The following NKAIN3 variants were observed in gnomAD, a reference collection of about 807,000 sequenced individuals.
NKAIN3 encodes the protein sodium/potassium-transporting ATPase subunit beta-1-interacting protein 3.
Under a neutral mutation model 30.2 loss-of-function variants are expected in NKAIN3, and 25 were observed. The observed-to-expected ratio is 0.83, with a 90% CI of 0.60 to 1.16. NKAIN3 has a LOEUF of 1.16. Ranked by LOEUF, NKAIN3 falls within the 50% of genes most tolerant of loss-of-function variation. The pLI is 0.00. For missense variants in NKAIN3, 225 were observed against 254.1 expected (o/e 0.89, Z 0.78); for synonymous variants, 91 against 89.6 (o/e 1.02, Z -0.09).
At position 62,695,454 on chromosome 8, in the gene NKAIN3, T is replaced by TAAAAATAATAATGAGGC. The variant is rs549477641; in HGVS notation, c.274-51476_274-51460dup. Among the ~76,000 whole-genome samples the TAAAAATAATAATGAGGC allele has an allele frequency of 6.2e-4, 94 of 152,048 alleles. 2 individuals carry two copies. The South Asian group carries it at 0.017, about 27-fold the overall frequency. On this transcript the variant is annotated intron_variant, in intron 3 of 6. Coordinates refer to ENST00000623646, the MANE Select transcript of NKAIN3 (RefSeq NM_001304533.3). ...CTGGCTGGTGATAATAATAATGAGG[T>TAAAAATAATAATGAGGC]AAAAATAATAATGAGGCAGAAAATT...
intron 1 of NKAIN3, among the ~76,000 whole-genome samples, chr8:62,441,908 G>A (rs980085957): frequency 2.6e-5 from 4 of 151,870 alleles, no homozygotes; most frequent in African/African-American, 7.2e-5. Flanking sequence ...GGATTTCTCT[G>A]TACTTTTAAG....
rs899246491 is a variant in NKAIN3 at position 62,979,726 on chromosome 8, C to T, written c.*14319C>T. The T allele has an allele frequency of 6.6e-6, 1 of 152,262 alleles. No homozygotes were observed. Among genetic ancestry groups the T allele is most frequent in the African/African-American group, 2.4e-5 (1 of 41,464 alleles). 9.4% of individuals were successfully genotyped at this position (152,262 alleles called of 1,614,324 possible). ...TCCCACTGGGGCTGCTATGCAAGCT[C>T]TCAGTCTAGTCTTCTTTCCTCTGCA... On this transcript the variant is annotated 3_prime_UTR_variant, in exon 7 of 7. Coordinates refer to ENST00000623646, the MANE Select transcript of NKAIN3 (RefSeq NM_001304533.3).
At chr8:62,774,006 A>G (rs1324398814) in intron 4 of NKAIN3, among the ~76,000 whole-genome samples, 13 of 152,148 alleles carry the variant, frequency 8.5e-5, no homozygotes, top group Admixed American at 8.5e-4. Context: ...GGTAATATGG[A>G]CATTTTGACA....
At chr8:62,524,785 T>A (rs1171148449) in intron 1 of NKAIN3, among the ~76,000 whole-genome samples, 1 of 152,158 alleles carries the variant, frequency 6.6e-6, no homozygotes, top group East Asian at 1.9e-4. Context: ...TCCACGTTGG[T>A]TACTTGTTTA....
At chr8:62,732,911 A>T (rs1354101255) in intron 3 of NKAIN3, among the ~76,000 whole-genome samples, 1 of 152,104 alleles carries the variant, frequency 6.6e-6, no homozygotes. Flanking sequence ...TTTTAGTTGT[A>T]GAATTAGTCA....
chr8:62,365,196 G>C (rs1816700012), intron 1 of NKAIN3, among the ~76,000 whole-genome samples: 1 of 152,062 alleles, frequency 6.6e-6, no homozygotes. Context: ...TTATTAGTTT[G>C]ATAAATTTCA....
intron 1 of NKAIN3, among the ~76,000 whole-genome samples, chr8:62,320,462 G>A (rs1388508860): frequency 1.3e-5 from 2 of 152,088 alleles, no homozygotes; most frequent in Non-Finnish European, 2.9e-5. Context: ...TTTTTGCAGT[G>A]GCTGGTACCG....
chr8:62,529,809 G>T (rs930532230), intron 1 of NKAIN3, among the ~76,000 whole-genome samples: 1 of 152,150 alleles, frequency 6.6e-6, no homozygotes, highest in African/African-American at 2.4e-5. Flanking sequence ...GGAGAGCCAA[G>T]AAGTTTTTAC....
At chr8:62,724,618 G>A (rs1399334434) in intron 3 of NKAIN3, among the ~76,000 whole-genome samples, 1 of 151,998 alleles carries the variant, frequency 6.6e-6, no homozygotes, top group African/African-American at 2.4e-5. Context: ...ACAAATAAGT[G>A]AGAATATGTG....
intron 4 of NKAIN3, among the ~76,000 whole-genome samples, chr8:62,818,979 T>A (rs1456043365): frequency 6.6e-6 from 1 of 151,774 alleles, no homozygotes; most frequent in African/African-American, 2.4e-5. Context: ...ATCATTTGAA[T>A]AAAACAACTG....
chr8:62,719,753 C>CTT (rs60637445), intron 3 of NKAIN3, among the ~76,000 whole-genome samples: 4,443 of 90,354 alleles, frequency 0.049, 261 homozygotes, highest in African/African-American at 0.11. Flanking sequence ...ACATTTCTTT[C>CTT]TTTTTTTTTT....
At chr8:62,931,394 A>G (rs1055389571) in intron 5 of NKAIN3, among the ~76,000 whole-genome samples, 1 of 152,196 alleles carries the variant, frequency 6.6e-6, no homozygotes, top group Non-Finnish European at 1.5e-5. Flanking sequence ...TTAAGAACTA[A>G]AAAGATTTTA....
chr8:62,444,791 T>C (rs1805431266), intron 1 of NKAIN3, among the ~76,000 whole-genome samples: 1 of 152,184 alleles, frequency 6.6e-6, no homozygotes, highest in Admixed American at 6.5e-5. Flanking sequence ...CATACACTTT[T>C]CCTTAGTGGC....
At chr8:62,448,042 C>T (rs756533252) in intron 1 of NKAIN3, among the ~76,000 whole-genome samples, 1 of 151,842 alleles carries the variant, frequency 6.6e-6, no homozygotes, top group Non-Finnish European at 1.5e-5. Context: ...AGGGAGAAAG[C>T]TAGGTTGGAT....
At chr8:62,293,529 C>T (rs934689425) in intron 1 of NKAIN3, among the ~76,000 whole-genome samples, 3 of 152,164 alleles carry the variant, frequency 2.0e-5, no homozygotes, top group Non-Finnish European at 2.9e-5. Flanking sequence ...CTGGGTATCA[C>T]CAGCGGAGGC....
chr8:62,898,841 G>GA (rs57499142), intron 4 of NKAIN3, among the ~76,000 whole-genome samples: 117,259 of 151,560 alleles, frequency 0.77, 46,214 homozygotes, highest in East Asian at 0.98. Flanking sequence ...TCTGTCAAGG[G>GA]GTACTAACTA....
intron 3 of NKAIN3, among the ~76,000 whole-genome samples, chr8:62,733,357 GTAAA>G (rs1815542062): frequency 6.6e-6 from 1 of 152,020 alleles, no homozygotes; most frequent in Non-Finnish European, 1.5e-5. Context: ...TCCATTGGTG[GTAAA>G]TAGTCTAGAT....
chr8:62,873,730 G>A (rs1308530494), intron 4 of NKAIN3, among the ~76,000 whole-genome samples: 1 of 151,838 alleles, frequency 6.6e-6, no homozygotes, highest in Non-Finnish European at 1.5e-5. Context: ...GCTCCTGAAT[G>A]ACTCCTGTGT....
chr8:62,787,514 A>G (rs1304053344), intron 4 of NKAIN3, among the ~76,000 whole-genome samples: 6 of 152,024 alleles, frequency 3.9e-5, no homozygotes, highest in African/African-American at 1.4e-4. Flanking sequence ...AATAAATACT[A>G]TCATCCTCTT....
Sources: allele counts gnomAD v4.1 joint callset (sites outside exome capture counted in the v4.1 genomes callset), GRCh38; gene constraint gnomAD v4.1.1; transcripts MANE v1.5; gene names NCBI Gene and HGNC (gene_info 2026-07-23, HGNC 2026-07-21).